Variants in ATP10B observed in about 807,000 individuals in gnomAD.
ATP10B encodes phospholipid-transporting ATPase VB.
Under a neutral mutation model 141.2 loss-of-function variants are expected in ATP10B, and 122 were observed. The ratio of observed to expected loss-of-function variants is 0.86; its 90% CI spans 0.75 to 1.00. ATP10B has a LOEUF of 1.00. Ranked by LOEUF, ATP10B falls within the 50% of genes least tolerant of loss-of-function variation. The probability of loss-of-function intolerance (pLI) is 0.00; values close to 1 mark genes in which losing one functional copy is unlikely to be tolerated. For missense variants in ATP10B, 1,876 were observed against 1,825.3 expected (o/e 1.03, Z -0.51); for synonymous variants, 685 against 692.0 (o/e 0.99, Z 0.16).
intron 19 of ATP10B, among the ~76,000 whole-genome samples, chr5:160,605,911 C>T (rs749202771): frequency 2.1e-4 from 32 of 152,274 alleles, no homozygotes; most frequent in Non-Finnish European, 4.1e-4. Flanking sequence ...TTGAGCTATG[C>T]GTACTGGGTG....
At chr5:160,578,260 G>A (rs1455260617) in intron 24 of ATP10B, among the ~76,000 whole-genome samples, 11 of 151,876 alleles carry the variant, frequency 7.2e-5, no homozygotes, top group Admixed American at 2.0e-4. Flanking sequence ...GGTTTGTTAC[G>A]TAGGCATACA....
chr5:160,575,736 T>C (rs572533821), intron 24 of ATP10B, among the ~76,000 whole-genome samples: 2 of 152,298 alleles, frequency 1.3e-5, no homozygotes, highest in East Asian at 1.9e-4. Flanking sequence ...CACAGTCAAT[T>C]TGAGATTCAT....
intron 6 of ATP10B, among the ~76,000 whole-genome samples, chr5:160,673,813 T>G (rs1196364699): frequency 6.6e-6 from 1 of 152,228 alleles, no homozygotes; most frequent in Non-Finnish European, 1.5e-5. Flanking sequence ...GGAAAACCTG[T>G]TAAATATCCA....
At chr5:160,699,757 G>A (rs1764573778) in intron 3 of ATP10B, among the ~76,000 whole-genome samples, 1 of 152,132 alleles carries the variant, frequency 6.6e-6, no homozygotes. Flanking sequence ...AAGGAAAAGG[G>A]GGAGGGAAAG....
At chr5:160,851,009 A>G (rs1753773540) in intron 1 of ATP10B, among the ~76,000 whole-genome samples, 1 of 152,178 alleles carries the variant, frequency 6.6e-6, no homozygotes, top group Admixed American at 6.5e-5. Context: ...ATGGAATAAT[A>G]CTCCAAGCAG....
At chr5:160,849,698 A>G (rs1420575953) in intron 1 of ATP10B, among the ~76,000 whole-genome samples, 1 of 152,096 alleles carries the variant, frequency 6.6e-6, no homozygotes, top group African/African-American at 2.4e-5. Context: ...ACACAATTAT[A>G]GGAAGCAGAA....
chr5:160,578,650 C>A (rs1581142117), intron 24 of ATP10B, among the ~76,000 whole-genome samples: 1 of 152,024 alleles, frequency 6.6e-6, no homozygotes, highest in Non-Finnish European at 1.5e-5. Context: ...CTGCAATAAA[C>A]GTGTGTGCAT....
intron 7 of ATP10B, 82 bp from the exon 8 acceptor site, chr5:160,649,338 T>C (rs1258600559): frequency 1.0e-6 from 1 of 982,656 alleles, no homozygotes; most frequent in Non-Finnish European, 1.6e-6. Flanking sequence ...TAATCACTGT[T>C]AGAACCATTG....
chr5:160,617,872 C>A lies in ATP10B; in HGVS notation c.2518G>T (p.Ala840Ser). 1 of 1,613,806 alleles carries A rather than the reference C, an allele frequency of 6.2e-7. No individual in the cohort carries two copies. The highest frequency in any genetic ancestry group is 8.5e-7 in the Non-Finnish European group (1 of 1,179,684). Reference protein sequence around the residue: ...ARDGLRTLCIAKKVVSEEDFR... With the variant: ...ARDGLRTLCISKKVVSEEDFR... ...GGAGGAATTGTTCTTACCTTCTTGGCAATGCATAGTGTGCGCAGGCCATCT... is the reference window on the plus strand; with the variant it reads ...GGAGGAATTGTTCTTACCTTCTTGGAAATGCATAGTGTGCGCAGGCCATCT... The change falls in exon 16 of 26, where the codon GCC becomes TCC. Residue 840 changes from alanine to serine, a missense_variant. Coordinates refer to ENST00000327245, the MANE Select transcript of ATP10B (RefSeq NM_025153.3).
chr5:160,681,111 A>T (rs985265580), intron 6 of ATP10B, among the ~76,000 whole-genome samples: 4 of 152,206 alleles, frequency 2.6e-5, no homozygotes, highest in African/African-American at 9.7e-5. Context: ...ACTTAAGCCA[A>T]GGAAGTCTCT....
At chr5:160,790,956 A>G (rs1054128166) in intron 1 of ATP10B, among the ~76,000 whole-genome samples, 1 of 152,130 alleles carries the variant, frequency 6.6e-6, no homozygotes, top group Non-Finnish European at 1.5e-5. Context: ...GGAGAGATCT[A>G]AAGTGAGAGA....
At chr5:160,755,324 C>G (rs1220966876) in intron 2 of ATP10B, among the ~76,000 whole-genome samples, 3 of 152,112 alleles carry the variant, frequency 2.0e-5, no homozygotes, top group Non-Finnish European at 4.4e-5. Flanking sequence ...CCACCAGGCC[C>G]CTCCAATTCG....
At chr5:160,732,116 T>C (rs765025774) in intron 2 of ATP10B, among the ~76,000 whole-genome samples, 5 of 152,122 alleles carry the variant, frequency 3.3e-5, no homozygotes, top group Non-Finnish European at 7.4e-5. Context: ...ACCTCAATGA[T>C]GTAAAGGATA....
At chr5:160,688,429 G>A (rs1350027925) in intron 4 of ATP10B, among the ~76,000 whole-genome samples, 1 of 152,166 alleles carries the variant, frequency 6.6e-6, no homozygotes, top group East Asian at 1.9e-4. Flanking sequence ...ATTGAAGTGG[G>A]TGGGACGTGC....
At chr5:160,852,455 T>C (rs1188715003), upstream of ATP10B, among the ~76,000 whole-genome samples, 1 of 152,160 alleles carries the variant, frequency 6.6e-6, no homozygotes, top group Non-Finnish European at 1.5e-5. Context: ...ATTATAACCT[T>C]GCAGTTCTCT....
intron 2 of ATP10B, among the ~76,000 whole-genome samples, chr5:160,780,380 G>A (rs1478010657): frequency 1.3e-5 from 2 of 152,042 alleles, no homozygotes; most frequent in Non-Finnish European, 2.9e-5. Context: ...TTATACAATA[G>A]CATCATTTAA....
chr5:160,568,350 C>T (rs7718482), intron 25 of ATP10B, among the ~76,000 whole-genome samples: 22,389 of 151,974 alleles, frequency 0.15, 2,142 homozygotes, highest in African/African-American at 0.25. Flanking sequence ...GGCAAGAGAA[C>T]CTAGGGACAA....
intron 8 of ATP10B, among the ~76,000 whole-genome samples, chr5:160,647,945 G>T (rs1760411122): frequency 6.6e-6 from 1 of 152,152 alleles, no homozygotes; most frequent in African/African-American, 2.4e-5. Flanking sequence ...AGAAAGCAAA[G>T]ACAACTGCAT....
At chr5:160,809,275 C>G (rs1772984238) in intron 1 of ATP10B, among the ~76,000 whole-genome samples, 1 of 152,110 alleles carries the variant, frequency 6.6e-6, no homozygotes, top group Admixed American at 6.6e-5. Flanking sequence ...ACTCTGCTGG[C>G]CAAAATGGGC....
Sources: allele counts gnomAD v4.1 joint callset (sites outside exome capture counted in the v4.1 genomes callset), GRCh38; gene constraint gnomAD v4.1.1; transcripts MANE v1.5; gene names NCBI Gene and HGNC (gene_info 2026-07-23, HGNC 2026-07-21).